Variants in HMGCLL1 observed in about 807,000 individuals in gnomAD.
HMGCLL1 encodes 3-hydroxymethyl-3-methylglutaryl-CoA lyase, cytoplasmic.
A neutral mutation model predicts 39.1 loss-of-function variants in HMGCLL1; 36 were observed. That is an observed-to-expected ratio of 0.92 (90% CI 0.71 to 1.22). The LOEUF is 1.22. Ranked by LOEUF, HMGCLL1 falls within the 50% of genes most tolerant of loss-of-function variation. The pLI is 0.00. For synonymous variants in HMGCLL1, 149 were observed against 144.0 expected, an observed-to-expected ratio of 1.03 and a Z score of -0.25; for missense variants, 451 against 416.5, an observed-to-expected ratio of 1.08 and a Z score of -0.72.
the HMGCLL1 span, among the ~76,000 whole-genome samples, chr6:55,634,726 T>C: frequency 6.6e-6 from 1 of 152,136 alleles, no homozygotes; most frequent in African/African-American, 2.4e-5. Context: ...TTCACCCATA[T>C]TTGGTCCGTT....
At chr6:55,630,380 T>C in the HMGCLL1 span, among the ~76,000 whole-genome samples, 1 of 152,088 alleles carries the variant, frequency 6.6e-6, no homozygotes, top group Non-Finnish European at 1.5e-5. Flanking sequence ...CTATTGTATC[T>C]AGGAAGTAAC....
At chr6:55,527,269 C>T (rs967745942) in intron 3 of HMGCLL1, among the ~76,000 whole-genome samples, 1 of 152,036 alleles carries the variant, frequency 6.6e-6, no homozygotes, top group African/African-American at 2.4e-5. Flanking sequence ...CTGAATCCAT[C>T]ATCAGCATTA....
intron 1 of HMGCLL1, among the ~76,000 whole-genome samples, chr6:55,572,555 AT>A (rs531740170): frequency 2.0e-5 from 3 of 151,950 alleles, no homozygotes; most frequent in Admixed American, 2.0e-4. Context: ...TGGAATAGTC[AT>A]TTTTTCCATA....
the HMGCLL1 span, among the ~76,000 whole-genome samples, chr6:55,621,206 C>T: frequency 6.6e-6 from 1 of 152,058 alleles, no homozygotes; most frequent in Non-Finnish European, 1.5e-5. Context: ...CTGTAGATGG[C>T]CTTGGGTATT....
chr6:55,477,240 TTTATATAA>T (rs1765393119), intron 7 of HMGCLL1, among the ~76,000 whole-genome samples: 1 of 19,072 alleles, frequency 5.2e-5, no homozygotes, highest in African/African-American at 4.3e-4. Context: ...ATATATTATA[TTTATATAA>T]TATATAATAT....
At chr6:55,442,383 G>A (rs1763639295) in intron 7 of HMGCLL1, among the ~76,000 whole-genome samples, 1 of 152,072 alleles carries the variant, frequency 6.6e-6, no homozygotes, top group Admixed American at 6.6e-5. Context: ...TGCACTTTGG[G>A]TTATAACGTA....
chr6:55,435,451 A>G lies in HMGCLL1; in HGVS notation c.*211T>C, dbSNP rs1329920617. The G allele has an allele frequency of 5.4e-6, 2 of 371,744 alleles. No individual in the cohort carries two copies. Among genetic ancestry groups the G allele is most frequent in the African/African-American group, 2.1e-5 (1 of 47,674 alleles). 23.0% of individuals were successfully genotyped at this position (371,744 alleles called of 1,614,324 possible). A position where few individuals can be genotyped will look rare whatever the true frequency, so the allele number is the denominator to read the frequency against. ...CAAGTTCAAAATTATGACAAGTTTT[A>G]TTATTTATCCTCAGCTTGCAATTTA... On this transcript the variant is annotated 3_prime_UTR_variant, in exon 9 of 9. Coordinates refer to ENST00000274901, the MANE Select transcript of HMGCLL1 (RefSeq NM_001042406.2).
intron 7 of HMGCLL1, among the ~76,000 whole-genome samples, chr6:55,456,735 C>CAGCT (rs1286667728): frequency 6.6e-6 from 1 of 152,172 alleles, no homozygotes; most frequent in Non-Finnish European, 1.5e-5. Context: ...AGCATGGTTC[C>CAGCT]AGCTCTCTCA....
chr6:55,531,481 A>T (rs1331993771), intron 3 of HMGCLL1, among the ~76,000 whole-genome samples: 4 of 152,166 alleles, frequency 2.6e-5, no homozygotes, highest in Non-Finnish European at 4.4e-5. Flanking sequence ...TTTTAATGTG[A>T]CCAACACGGC....
chr6:55,663,831 C>T, the HMGCLL1 span, among the ~76,000 whole-genome samples: 1 of 151,816 alleles, frequency 6.6e-6, no homozygotes, highest in Non-Finnish European at 1.5e-5. Context: ...GCTCTAAGAA[C>T]TTGCTTAATG....
intron 1 of HMGCLL1, among the ~76,000 whole-genome samples, chr6:55,560,983 T>C (rs1770917398): frequency 6.6e-6 from 1 of 152,184 alleles, no homozygotes; most frequent in Non-Finnish European, 1.5e-5. Flanking sequence ...CTCAAAGGAA[T>C]AGTTAACAAA....
At position 55,495,522 on chromosome 6, in the gene HMGCLL1, C is replaced by CT. The variant is rs1766529369; in HGVS notation, c.691dup (p.Arg231LysfsTer21). 1.2e-6 allele frequency: 2 copies of CT among 1,613,790 alleles called. No homozygotes were observed. The highest frequency in any genetic ancestry group is 1.7e-6 in the Non-Finnish European group (2 of 1,179,854). On this transcript the variant is annotated frameshift_variant, in exon 7 of 9. Transcript: ENST00000274901. LOFTEE classifies it high-confidence loss of function. ...TTCTTTCATCACACTTTCCAACATT[C>CT]TTTTCATACTTCCTGGAGTTCCCAC...
At chr6:55,475,673 A>G (rs532338939) in intron 7 of HMGCLL1, among the ~76,000 whole-genome samples, 3 of 151,818 alleles carry the variant, frequency 2.0e-5, no homozygotes, top group East Asian at 1.9e-4. Context: ...CTGTTTATCA[A>G]TTATTTTCCA....
chr6:55,541,965 A>C (rs936873904), intron 2 of HMGCLL1, 95 bp downstream of exon 2: 1 of 973,556 alleles, frequency 1.0e-6, no homozygotes, highest in African/African-American at 1.7e-5. Context: ...TTGAGAAAAA[A>C]TATAATCAGA....
chr6:55,522,201 T>TAATTGTAATTTAGTGTA (rs1355614053), intron 3 of HMGCLL1, among the ~76,000 whole-genome samples: 6 of 152,020 alleles, frequency 3.9e-5, no homozygotes, highest in Non-Finnish European at 7.4e-5. Context: ...CTTTTTAGTG[T>TAATTGTAATTTAGTGTA]ATTGTAAAAG....
chr6:55,574,476 G>A (rs949786004), intron 1 of HMGCLL1, among the ~76,000 whole-genome samples: 18 of 151,552 alleles, frequency 1.2e-4, no homozygotes, highest in African/African-American at 1.2e-4. Flanking sequence ...AATAAGCCAC[G>A]GTTGTATGTT....
At chr6:55,500,091 T>A (rs1766795991) in intron 5 of HMGCLL1, among the ~76,000 whole-genome samples, 1 of 152,006 alleles carries the variant, frequency 6.6e-6, no homozygotes, top group South Asian at 2.1e-4. Context: ...ATAACGAGTA[T>A]GATATTTAGG....
Position 55,434,616 on chromosome 6 carries a change from T to C in HMGCLL1, c.*1046A>G, listed in dbSNP as rs1330629594. On this transcript the variant is annotated 3_prime_UTR_variant, in exon 9 of 9. Coordinates refer to ENST00000274901, the MANE Select transcript of HMGCLL1 (RefSeq NM_001042406.2). Reference sequence around the variant, plus strand: ...TCTTGAATAGTCCTCCTGCTCCTCATCCCTGACTTTGATATATTACATCTT... The same window carrying C: ...TCTTGAATAGTCCTCCTGCTCCTCACCCCTGACTTTGATATATTACATCTT... 6.6e-6 allele frequency: 1 copy of C among 152,030 alleles called. No homozygotes were observed. Among genetic ancestry groups the C allele is most frequent in the African/African-American group, 2.4e-5 (1 of 41,416 alleles). 9.4% of individuals were successfully genotyped at this position (152,030 alleles called of 1,614,324 possible). A position where few individuals can be genotyped will look rare whatever the true frequency, so the allele number is the denominator to read the frequency against.
intron 3 of HMGCLL1, among the ~76,000 whole-genome samples, chr6:55,539,131 A>C (rs6459084): frequency 0.65 from 98,520 of 151,914 alleles, 32,239 homozygotes; most frequent in Admixed American, 0.71. Context: ...ATAGAGGACA[A>C]GAAACAGTTA....
Sources: allele counts gnomAD v4.1 joint callset (sites outside exome capture counted in the v4.1 genomes callset), GRCh38; gene constraint gnomAD v4.1.1; transcripts MANE v1.5; gene names NCBI Gene and HGNC (gene_info 2026-07-23, HGNC 2026-07-21).